OSCAR: variants seen among roughly 807,000 people sequenced by gnomAD.
The protein encoded by OSCAR is osteoclast associated Ig-like receptor.
Under a neutral mutation model 27.3 loss-of-function variants are expected in OSCAR, and 25 were observed. The ratio of observed to expected loss-of-function variants is 0.92; its 90% CI spans 0.67 to 1.28. OSCAR has a LOEUF of 1.28. Among genes scored for constraint, OSCAR ranks in the 50% most tolerant of loss-of-function variants. The pLI, the probability that OSCAR is intolerant of heterozygous loss-of-function variation, is 0.00. For missense variants in OSCAR, 354 were observed against 355.1 expected (o/e 1.00, Z 0.03); for synonymous variants, 158 against 165.7 (o/e 0.95, Z 0.36).
chr19:54,096,540 C>G (rs1449053252), intron 3 of OSCAR, among the ~76,000 whole-genome samples: 36 of 122,780 alleles, frequency 2.9e-4, no homozygotes, highest in African/African-American at 1.0e-3. Context: ...CTCTCTGCCT[C>G]CCTCTCTCTC....
At position 54,096,855 on chromosome 19, in the gene OSCAR, A is replaced by G; in HGVS notation, c.373+7T>C. Reference sequence around the variant, plus strand: ...CCCACTTCTCCTCCCCGACCCCAGGACCTCACCTGTCACCAGCAGCTCCAG... The same window carrying G: ...CCCACTTCTCCTCCCCGACCCCAGGGCCTCACCTGTCACCAGCAGCTCCAG... On this transcript the variant is annotated splice_region_variant and intron_variant, in intron 3 of 4. Coordinates refer to ENST00000358375, the MANE Select transcript of OSCAR (RefSeq NM_133169.6). 1.2e-6 allele frequency: 2 copies of G among 1,610,268 alleles called. No homozygotes were observed. The highest frequency in any genetic ancestry group is 1.7e-6 in the Non-Finnish European group (2 of 1,177,900).
At chr19:54,095,424 A>T in intron 4 of OSCAR, 67 bp from the exon 5 acceptor site, 1 of 1,512,250 alleles carries the variant, frequency 6.6e-7, no homozygotes, top group Non-Finnish European at 8.8e-7. Context: ...CCTGAACTCC[A>T]GGTTTCCAGC....
chr19:54,100,106 C>T (rs1175775098), intron 1 of OSCAR, among the ~76,000 whole-genome samples: 3 of 152,312 alleles, frequency 2.0e-5, no homozygotes, highest in South Asian at 2.1e-4. Flanking sequence ...AGGCATGAGC[C>T]GCTGCGCCCA....
rs2072788496 is a variant in OSCAR at position 54,097,128 on chromosome 19, C to T, written c.107G>A (p.Gly36Glu). ...GGTCACAACTGTAGCCGGCTGAGCT[C>T]CCAGCCATGGCTTAGGGTGGTATGA... ...PASYHPKPWLGAQPATVVTPG... is the reference protein window; with the variant it reads ...PASYHPKPWLEAQPATVVTPG... Residue 36 changes from glycine to glutamate, a missense_variant, in exon 3 of 5, where the codon GGA becomes GAA. By Grantham distance (98) the Gly-to-Glu change is moderately conservative. Transcript: ENST00000358375. 9.9e-6 allele frequency: 16 copies of T among 1,614,030 alleles called. No individual in the cohort carries two copies. The highest frequency in any genetic ancestry group is 1.3e-5 in the African/African-American group (1 of 74,920).
intron 3 of OSCAR, 147 bp from the exon 4 acceptor site, chr19:54,096,300 G>GCCTGCCTCTCTC: frequency 6.6e-6 from 5 of 761,540 alleles, no homozygotes; most frequent in Non-Finnish European, 7.9e-6. Flanking sequence ...CTCTCTCTCT[G>GCCTGCCTCTCTC]TCTGCCTCTC....
Position 54,096,842 on chromosome 19 carries a change from C to A in OSCAR, c.373+20G>T. 1 of 1,605,570 alleles carries A rather than the reference C, an allele frequency of 6.2e-7. No homozygotes were observed. The highest frequency in any genetic ancestry group is 8.5e-7 in the Non-Finnish European group (1 of 1,175,326). The stretch of plus-strand genomic sequence containing the variant: ...CTCCCTTGTTCCACCCACTTCTCCT[C>A]CCCGACCCCAGGACCTCACCTGTCA... On this transcript the variant is annotated intron_variant, in intron 3 of 4. Coordinates refer to ENST00000358375, the MANE Select transcript of OSCAR (RefSeq NM_133169.6).
Position 54,099,881 on chromosome 19 carries a change from C to T in OSCAR, c.38-101G>A, listed in dbSNP as rs1203022291. 16 of 1,347,210 alleles carry T rather than the reference C, an allele frequency of 1.2e-5. No individual in the cohort carries two copies. In the East Asian group the frequency reaches 3.3e-4, roughly 27 times the overall value. 83.5% of individuals were successfully genotyped at this position (1,347,210 alleles called of 1,614,324 possible). A position where few individuals can be genotyped will look rare whatever the true frequency, so the allele number is the denominator to read the frequency against. ...AGGCTGGAGTGTAGTGGTGTGATCTCAGCTCACTGCAACCTCTGCCTCCCA... is the reference window on the plus strand; with the variant it reads ...AGGCTGGAGTGTAGTGGTGTGATCTTAGCTCACTGCAACCTCTGCCTCCCA... On this transcript the variant is annotated intron_variant, in intron 1 of 4. Transcript: ENST00000358375.
At chr19:54,098,569 T>G (rs1314331413) in intron 2 of OSCAR, among the ~76,000 whole-genome samples, 1 of 151,122 alleles carries the variant, frequency 6.6e-6, no homozygotes, top group Admixed American at 6.6e-5. Flanking sequence ...CATGGTGGCA[T>G]GCACTTTGGG....
chr19:54,095,053 G>A lies in OSCAR; in HGVS notation c.*168C>T. On this transcript the variant is annotated 3_prime_UTR_variant, in exon 5 of 5. Transcript: ENST00000358375. ...GCGTCTTCCTTTCAGCTACTCCTTG[G>A]GAAAGGCCTGGAAAGAAGCTACAGC... is the stretch of plus-strand genomic sequence containing the variant. 1.7e-6 allele frequency: 2 copies of A among 1,157,086 alleles called. No individual in the cohort carries two copies. Among genetic ancestry groups the A allele is most frequent in the Non-Finnish European group, 2.3e-6 (2 of 866,758 alleles). 71.7% of individuals were successfully genotyped at this position (1,157,086 alleles called of 1,614,324 possible). A position where few individuals can be genotyped will look rare whatever the true frequency, so the allele number is the denominator to read the frequency against.
At chr19:54,099,061 TTG>T (rs2072896717) in intron 2 of OSCAR, among the ~76,000 whole-genome samples, 1 of 151,050 alleles carries the variant, frequency 6.6e-6, no homozygotes, top group African/African-American at 2.4e-5. Context: ...AGAGTTTTTT[TTG>T]TTTGTTTGTT....
chr19:54,098,644 A>G (rs748341867), intron 2 of OSCAR, among the ~76,000 whole-genome samples: 14 of 151,896 alleles, frequency 9.2e-5, no homozygotes, highest in Non-Finnish European at 1.6e-4. Context: ...TGATAGAGCC[A>G]CCGTACTCCA....
intron 4 of OSCAR, 102 bp from the exon 5 acceptor site, chr19:54,095,459 A>C (rs752463991): frequency 1.2e-4 from 180 of 1,468,228 alleles, no homozygotes; most frequent in Non-Finnish European, 1.5e-4. Context: ...TAGGGACCTG[A>C]CTCTACAGTC....
Position 54,097,144 on chromosome 19 carries a change from G to T in OSCAR, c.91C>A (p.Pro31Thr). 1 of 1,614,032 alleles carries T rather than the reference G, an allele frequency of 6.2e-7. No individual in the cohort carries two copies. Among genetic ancestry groups the T allele is most frequent in the South Asian group, 1.1e-5 (1 of 91,082 alleles). ...TPSVPPASYH[P>T]KPWLGAQPAT... ...GGCTGAGCTCCCAGCCATGGCTTAGGGTGGTATGAAGCTGGGGGGACTGAA... is the reference window on the plus strand; with the variant it reads ...GGCTGAGCTCCCAGCCATGGCTTAGTGTGGTATGAAGCTGGGGGGACTGAA... Residue 31 changes from proline to threonine, a missense_variant, in exon 3 of 5, where the codon CCT becomes ACT. Physicochemically the swap from Pro to Thr is conservative, Grantham distance 38. Coordinates refer to ENST00000358375, the MANE Select transcript of OSCAR (RefSeq NM_133169.6).
intron 2 of OSCAR, among the ~76,000 whole-genome samples, chr19:54,097,852 C>T (rs1316235152): frequency 1.3e-5 from 2 of 151,924 alleles, no homozygotes; most frequent in South Asian, 4.1e-4. Flanking sequence ...CCTCCCACCT[C>T]GGCCTCCCAA....
chr19:54,097,774 A>G (rs1401378402), intron 2 of OSCAR, among the ~76,000 whole-genome samples: 4 of 145,054 alleles, frequency 2.8e-5, no homozygotes. Context: ...TTTTTTTTTT[A>G]ATTTTTAGTA....
chr19:54,099,762 T>C lies in OSCAR; in HGVS notation c.56A>G (p.Asp19Gly). ...TGGCTACTCACCAGACGGAGTGATG[T>C]CTGTGTGACACAGAGGCCCTGTAGG... ...LLTLWPLCHTDITPSVPPASY... is the reference protein window; with the variant it reads ...LLTLWPLCHTGITPSVPPASY... Residue 19 changes from aspartate to glycine, a missense_variant, in exon 2 of 5, where the codon GAC becomes GGC. Coordinates refer to ENST00000358375, the MANE Select transcript of OSCAR (RefSeq NM_133169.6). 2 of 1,613,370 alleles carry C rather than the reference T, an allele frequency of 1.2e-6. No homozygotes were observed. The highest frequency in any genetic ancestry group is 1.7e-6 in the Non-Finnish European group (2 of 1,179,810).
At chr19:54,096,840 C>T in intron 3 of OSCAR, 22 bp downstream of exon 3, 5 of 1,604,200 alleles carry the variant, frequency 3.1e-6, no homozygotes, top group Non-Finnish European at 4.3e-6. Flanking sequence ...CCCACTTCTC[C>T]TCCCCGACCC....
In OSCAR at chr19:54,099,798, A is replaced by T; in HGVS notation, c.38-18T>A. The T allele has an allele frequency of 6.3e-7, 1 of 1,590,434 alleles. No individual in the cohort carries two copies. The highest frequency in any genetic ancestry group is 8.5e-7 in the Non-Finnish European group (1 of 1,172,962). The stretch of plus-strand genomic sequence containing the variant: ...CAGAGGCCCTGTAGGAGGTTGAGGG[A>T]CTAGTTTCTTTTTCCTTTTTTTTTT... On this transcript the variant is annotated intron_variant, in intron 1 of 4. Transcript: ENST00000358375.
At chr19:54,097,468 GA>G (rs1431497727) in intron 2 of OSCAR, among the ~76,000 whole-genome samples, 2 of 151,848 alleles carry the variant, frequency 1.3e-5, no homozygotes, top group Admixed American at 1.3e-4. Flanking sequence ...AATGAGATGG[GA>G]GGGGGCGGTC....
Sources: allele counts gnomAD v4.1 joint callset (sites outside exome capture counted in the v4.1 genomes callset), GRCh38; gene constraint gnomAD v4.1.1; transcripts MANE v1.5; gene names NCBI Gene and HGNC (gene_info 2026-07-23, HGNC 2026-07-21).